WDR36: variants seen among roughly 807,000 people sequenced by gnomAD.
The protein encoded by WDR36 is WD repeat domain 36.
In WDR36, 63 loss-of-function variants were observed where a neutral mutation model predicts 112.7. The observed-to-expected ratio is 0.56, with a 90% confidence interval of 0.46 to 0.69. The LOEUF (loss-of-function observed/expected upper bound fraction) is 0.69, where lower values mean the gene tolerates loss of function less well. Ranked by LOEUF, WDR36 falls within the 30% of genes least tolerant of loss-of-function variation. The pLI is 0.00. For synonymous variants in WDR36, 410 were observed against 362.2 expected (o/e 1.13, Z -1.50); for missense variants, 1,226 against 1,070.3 (o/e 1.15, Z -2.03).
chr5:111,099,257 G>A (rs559012998), intron 4 of WDR36, among the ~76,000 whole-genome samples: 21 of 152,158 alleles, frequency 1.4e-4, no homozygotes, highest in African/African-American at 4.6e-4. Flanking sequence ...AGGGATATGA[G>A]TCAGTTTCTT....
intron 6 of WDR36, 59 bp from the exon 7 acceptor site, chr5:111,103,727 C>T (rs1753165995): frequency 3.8e-6 from 6 of 1,597,590 alleles, no homozygotes; most frequent in Admixed American, 3.4e-5. Flanking sequence ...TGCGTATCAT[C>T]AGGATTATTA....
intron 12 of WDR36, 63 bp downstream of exon 12, chr5:111,107,502 A>G (rs1182661068): frequency 1.3e-6 from 2 of 1,579,668 alleles, no homozygotes; most frequent in Non-Finnish European, 8.7e-7. Context: ...ATCTTGTTAT[A>G]CTCAAGGTTT....
In WDR36 at chr5:111,127,199, A is replaced by G. The variant is rs1476812507; in HGVS notation, c.*316A>G. The stretch of plus-strand genomic sequence containing the variant: ...CTACAAAAAGTTAAAAAAATAAATT[A>G]CACCTGCCTTTTGTTTTGAAGACTT... On this transcript the variant is annotated 3_prime_UTR_variant, in exon 23 of 23. Transcript: ENST00000513710. 8.1e-6 allele frequency: 2 copies of G among 246,462 alleles called. No homozygotes were observed. The highest frequency in any genetic ancestry group is 1.2e-4 in the East Asian group (2 of 16,094). 15.3% of individuals were successfully genotyped at this position (246,462 alleles called of 1,614,324 possible).
intron 16 of WDR36, among the ~76,000 whole-genome samples, chr5:111,115,071 T>C (rs1023549956): frequency 1.3e-5 from 2 of 152,212 alleles, no homozygotes; most frequent in African/African-American, 4.8e-5. Context: ...TTTTCAGCTC[T>C]AGTATCTTTA....
At chr5:111,120,856 G>C in intron 18 of WDR36, 140 bp from the exon 19 acceptor site, 1 of 829,232 alleles carries the variant, frequency 1.2e-6, no homozygotes, top group East Asian at 2.6e-5. Context: ...GGAAAAGACA[G>C]GGATAAGTAA....
At chr5:111,123,729 A>C in intron 19 of WDR36, 76 bp from the exon 20 acceptor site, 1 of 1,568,646 alleles carries the variant, frequency 6.4e-7, no homozygotes, top group Non-Finnish European at 8.7e-7. Flanking sequence ...TTTGTTTTAA[A>C]ATTGATTTGA....
intron 12 of WDR36, 88 bp downstream of exon 12, chr5:111,107,527 G>A: frequency 6.5e-7 from 1 of 1,535,198 alleles, no homozygotes; most frequent in South Asian, 1.2e-5. Context: ...TCATAATATT[G>A]ACTGAAAAAA....
intron 13 of WDR36, 88 bp downstream of exon 13, chr5:111,110,391 G>A: frequency 1.8e-6 from 2 of 1,131,726 alleles, no homozygotes; most frequent in Non-Finnish European, 2.7e-6. Context: ...TTAAGTGCTG[G>A]GCATTTTGCT....
Position 111,121,140 on chromosome 5 carries a change from A to G in WDR36, c.2147A>G (p.Lys716Arg). 6.2e-7 allele frequency: 1 copy of G among 1,613,438 alleles called. No individual in the cohort carries two copies. Among genetic ancestry groups the G allele is most frequent in the Non-Finnish European group, 8.5e-7 (1 of 1,179,548 alleles). Residue 716 changes from lysine to arginine, a missense_variant and splice_region_variant, in exon 19 of 23, where the codon AAG becomes AGG. Lys to Arg is a conservative substitution (Grantham distance 26). Coordinates refer to ENST00000513710, the MANE Select transcript of WDR36 (RefSeq NM_139281.3). Reference sequence around the variant, plus strand: ...AACCTTCTTAACCTTGATGTTATTAAGGTAATAATTAACATTCTTTATAGA... The same window carrying G: ...AACCTTCTTAACCTTGATGTTATTAGGGTAATAATTAACATTCTTTATAGA... ...WKNLLNLDVI[K>R]KKNKPKEPPK... is the part of the protein sequence containing the mutation.
rs1753750343 is a variant in WDR36 at position 111,129,715 on chromosome 5, AT to A, written c.*2834del. On this transcript the variant is annotated 3_prime_UTR_variant, in exon 23 of 23. Transcript: ENST00000513710. ...TTTATATTTGTATACAATCAAATTG[AT>A]TAATTTTCATGACTTATTTCAGGAT... The A allele has an allele frequency of 5.0e-6, 1 of 199,414 alleles. No homozygotes were observed. Among genetic ancestry groups the A allele is most frequent in the Non-Finnish European group, 1.0e-5 (1 of 96,652 alleles). 12.4% of individuals were successfully genotyped at this position (199,414 alleles called of 1,614,324 possible). A position where few individuals can be genotyped will look rare whatever the true frequency, so the allele number is the denominator to read the frequency against.
chr5:111,092,597 C>T lies in WDR36; in HGVS notation c.141C>T (p.Gly47=). 4 of 1,613,634 alleles carry T rather than the reference C, an allele frequency of 2.5e-6. No homozygotes were observed. Among genetic ancestry groups the T allele is most frequent in the African/African-American group, 1.3e-5 (1 of 75,048 alleles). ...KRRFYVTTCV[G]KSFHTYDVQK... is the part of the protein sequence containing the mutation. ...GGTTCTATGTAACAACCTGCGTGGG[C>T]AAGAGTTTCCACACCTATGACGTGA... Residue 47 remains glycine (G), a synonymous_variant, in exon 1 of 23, where the codon GGC becomes GGT. Transcript: ENST00000513710.
At position 111,125,656 on chromosome 5, in the gene WDR36, A is replaced by G. The variant is rs1351129348; in HGVS notation, c.2399A>G (p.Glu800Gly). The change falls in exon 22 of 23, where the codon GAA (glutamate) becomes GGA (glycine). Residue 800 changes from glutamate to glycine, a missense_variant. Transcript: ENST00000513710. The part of the protein sequence containing the change: ...LLKESGPSGI[E>G]TELRSLSPDC... ...AAAGAATCAGGCCCATCAGGAATTG[A>G]AACAGAGCTGCGAAGCTTGTCTCCT... 6.2e-7 allele frequency: 1 copy of G among 1,613,880 alleles called. No individual in the cohort carries two copies. The highest frequency in any genetic ancestry group is 1.7e-5 in the Admixed American group (1 of 60,008).
chr5:111,119,094 T>C lies in WDR36; in HGVS notation c.1878T>C (p.His626=), dbSNP rs750800246. 50 of 1,613,272 alleles carry C rather than the reference T, an allele frequency of 3.1e-5. No individual in the cohort carries two copies. Among genetic ancestry groups the C allele is most frequent in the South Asian group, 1.4e-4 (13 of 91,078 alleles). Residue 626 remains histidine, a synonymous_variant, in exon 17 of 23, where the codon CAT becomes CAC. Transcript: ENST00000513710. ...SPTGDFLATS[H]VDHLGIYLWS... ...CTGGAGACTTTCTGGCAACTTCCCA[T>C]GTGGACCACCTTGGAATTTATCTAT...
At chr5:111,099,961 C>G (rs896263297) in intron 4 of WDR36, among the ~76,000 whole-genome samples, 1 of 151,982 alleles carries the variant, frequency 6.6e-6, no homozygotes, top group Non-Finnish European at 1.5e-5. Context: ...AGAATTCAAA[C>G]ATAGAAATTT....
chr5:111,120,164 C>A (rs1753536439), intron 17 of WDR36, among the ~76,000 whole-genome samples: 1 of 152,114 alleles, frequency 6.6e-6, no homozygotes, highest in African/African-American at 2.4e-5. Context: ...TCTCTGAGTT[C>A]ATCTTTCCTT....
chr5:111,112,932 T>G (rs1211175726), intron 15 of WDR36, 142 bp from the exon 16 acceptor site: 2 of 188,732 alleles, frequency 1.1e-5, no homozygotes, highest in Non-Finnish European at 2.0e-5. Context: ...AATTTTTTTA[T>G]GAAGCCTGCA....
At position 111,094,928 on chromosome 5, in the gene WDR36, A is replaced by G. The variant is rs1290361482; in HGVS notation, c.171A>G (p.Lys57=). 3 of 1,606,124 alleles carry G rather than the reference A, an allele frequency of 1.9e-6. No individual in the cohort carries two copies. The Admixed American group carries it at 5.1e-5, about 27-fold the overall frequency. Residue 57 remains lysine (K), a synonymous_variant, in exon 2 of 23, where the codon AAA becomes AAG. Coordinates refer to ENST00000513710, the MANE Select transcript of WDR36 (RefSeq NM_139281.3). ...TTTTCTTTTTTAAACAGGTTCAGAA[A>G]CTTAGTCTGGTTGCAGTAAGTAAGT... ...GKSFHTYDVQ[K]LSLVAVSNSV...
intron 21 of WDR36, among the ~76,000 whole-genome samples, chr5:111,124,908 A>G (rs971797673): frequency 1.3e-5 from 2 of 152,222 alleles, no homozygotes; most frequent in African/African-American, 4.8e-5. Flanking sequence ...TGTTTACTAT[A>G]TACTGAAGGA....
Position 111,128,446 on chromosome 5 carries a change from A to C in WDR36, c.*1563A>C, listed in dbSNP as rs1246238949. On this transcript the variant is annotated 3_prime_UTR_variant, in exon 23 of 23. Coordinates refer to ENST00000513710, the MANE Select transcript of WDR36 (RefSeq NM_139281.3). ...ATTAAAGCCACTGACAGAAATGTTA[A>C]TCATGACTTAAGTTCTAATTTAAAA... 8 of 181,300 alleles carry C rather than the reference A, an allele frequency of 4.4e-5. No individual in the cohort carries two copies. Among genetic ancestry groups the C allele is most frequent in the Admixed American group, 6.3e-5 (1 of 15,938 alleles). 11.2% of individuals were successfully genotyped at this position (181,300 alleles called of 1,614,324 possible). A position where few individuals can be genotyped will look rare whatever the true frequency, so the allele number is the denominator to read the frequency against.
Sources: allele counts gnomAD v4.1 joint callset (sites outside exome capture counted in the v4.1 genomes callset), GRCh38; gene constraint gnomAD v4.1.1; transcripts MANE v1.5; gene names NCBI Gene and HGNC (gene_info 2026-07-23, HGNC 2026-07-21).